The following LHX4 variants were observed in gnomAD, a reference collection of about 807,000 sequenced individuals.
LHX4 encodes LIM homeobox 4.
LHX4 carries 16 observed loss-of-function variants against 39.2 expected under a neutral mutation model. The ratio of observed to expected loss-of-function variants is 0.41; its 90% CI spans 0.28 to 0.62. LHX4 has a LOEUF of 0.62. LHX4 is among the 20% of genes least tolerant of loss of function. The pLI is 0.33. For synonymous variants in LHX4, 206 were observed against 198.1 expected (o/e 1.04, Z -0.33); for missense variants, 439 against 511.9 (o/e 0.86, Z 1.37).
At chr1:180,243,407 A>G (rs758040564) in intron 1 of LHX4, among the ~76,000 whole-genome samples, 2 of 152,072 alleles carry the variant, frequency 1.3e-5, no homozygotes, top group Non-Finnish European at 2.9e-5. Flanking sequence ...CCAGAACTTT[A>G]TTCCTGGTAG....
chr1:180,276,655 T>A lies in LHX4; in HGVS notation c.*2076T>A, dbSNP rs916337175. 1 of 152,178 alleles carries A rather than the reference T, an allele frequency of 6.6e-6. No individual in the cohort carries two copies. Among genetic ancestry groups the A allele is most frequent in the African/African-American group, 2.4e-5 (1 of 41,434 alleles). 9.4% of individuals were successfully genotyped at this position (152,178 alleles called of 1,614,324 possible). ...GAGGATGGCTTTTTAAATACACCCT[T>A]CTTAGCAGGCTGCTTAAAATACACA... On this transcript the variant is annotated 3_prime_UTR_variant, in exon 6 of 6. Transcript: ENST00000263726.
upstream of LHX4, among the ~76,000 whole-genome samples, chr1:180,230,033 G>T (rs905796628): frequency 7.6e-4 from 104 of 136,820 alleles, no homozygotes; most frequent in Non-Finnish European, 1.4e-3. The surrounding 1 kb of genome is among the most constrained non-coding windows in gnomAD (Gnocchi z 5.8). Flanking sequence ...CCGCCCCGCC[G>T]GCCTCACTCG....
In LHX4 at chr1:180,266,462, G is replaced by A; in HGVS notation, c.319G>A (p.Asp107Asn). The A allele has an allele frequency of 6.2e-7, 1 of 1,614,224 alleles. No individual in the cohort carries two copies. Residue 107 changes from aspartate (D) to asparagine (N), a missense_variant, in exon 3 of 6, where the codon GAC becomes AAC. By Grantham distance (23) the Asp-to-Asn change is conservative (BLOSUM62 1). Coordinates refer to ENST00000263726, the MANE Select transcript of LHX4 (RefSeq NM_033343.4). This position sits in a 1 kb window ranked among gnomAD's most constrained non-coding sequence, Gnocchi z 5.7. ...PPTQVVRKAQ[D>N]FVYHLHCFAC... is the part of the protein sequence containing the mutation. The stretch of plus-strand genomic sequence containing the variant: ...AACCCAGGTGGTCCGCAAGGCCCAG[G>A]ACTTTGTCTACCACCTGCACTGCTT...
upstream of LHX4, among the ~76,000 whole-genome samples, chr1:180,229,959 CGG>C (rs1553278089): frequency 2.6e-3 from 60 of 22,726 alleles, 4 homozygotes; most frequent in South Asian, 0.014. Flanking sequence ...GAGGCGGAGG[CGG>C]GGAGGGGGGG....
chr1:180,244,243 T>C (rs908408640), intron 1 of LHX4, among the ~76,000 whole-genome samples: 3 of 152,322 alleles, frequency 2.0e-5, no homozygotes, highest in Non-Finnish European at 1.5e-5. Flanking sequence ...CGTCAACATC[T>C]ACAGTGGAAT....
intron 2 of LHX4, among the ~76,000 whole-genome samples, chr1:180,254,451 C>G (rs1485347281): frequency 6.6e-6 from 1 of 152,248 alleles, no homozygotes; most frequent in East Asian, 1.9e-4. Context: ...AGGTAGGCAG[C>G]GTCCTTGGGA....
At position 180,278,494 on chromosome 1, in the gene LHX4, C is replaced by G. The variant is rs970476373; in HGVS notation, c.*3915C>G. On this transcript the variant is annotated 3_prime_UTR_variant, in exon 6 of 6. Coordinates refer to ENST00000263726, the MANE Select transcript of LHX4 (RefSeq NM_033343.4). ...ACCACACTAAAAGCACAGTTTCATG[C>G]TGCTAGCTCTGGTAAGGAGACAGCT... The G allele has an allele frequency of 6.6e-6, 1 of 152,106 alleles. No homozygotes were observed. Among genetic ancestry groups the G allele is most frequent in the Non-Finnish European group, 1.5e-5 (1 of 68,032 alleles). The allele number at this position is 152,106 out of a possible 1,614,324, so 9.4% of individuals were successfully genotyped here.
chr1:180,243,319 C>T (rs1014646421), intron 1 of LHX4, among the ~76,000 whole-genome samples: 2 of 152,070 alleles, frequency 1.3e-5, no homozygotes, highest in African/African-American at 4.8e-5. Flanking sequence ...GTTCTCCCCT[C>T]CTCTGCCCTG....
At chr1:180,267,069 A>C (rs1210131731) in intron 3 of LHX4, among the ~76,000 whole-genome samples, 4 of 152,258 alleles carry the variant, frequency 2.6e-5, no homozygotes, top group South Asian at 2.1e-4. Flanking sequence ...CACTTCATAC[A>C]TCTGTCTGTT....
Position 180,248,392 on chromosome 1 carries a change from A to G in LHX4, c.184A>G (p.Met62Val). Residue 62 changes from methionine (M) to valine (V), a missense_variant, in exon 2 of 6, where the codon ATG becomes GTG. Transcript: ENST00000263726. ...CTGCCTCAAGTGTGCAGACTGCCAG[A>G]TGCAGCTGGCGGACAGGTGCTTCTC... ...SSCLKCADCQ[M>V]QLADRCFSRA... The G allele has an allele frequency of 3.1e-6, 5 of 1,614,230 alleles. No individual in the cohort carries two copies. Among genetic ancestry groups the G allele is most frequent in the Admixed American group, 3.3e-5 (2 of 60,028 alleles).
At chr1:180,242,492 CTG>C (rs1664464466) in intron 1 of LHX4, among the ~76,000 whole-genome samples, 1 of 151,856 alleles carries the variant, frequency 6.6e-6, no homozygotes, top group African/African-American at 2.4e-5. Flanking sequence ...GTATATATAT[CTG>C]TGTGTATATA....
chr1:180,271,887 G>C lies in LHX4; in HGVS notation c.659G>C (p.Gly220Ala), dbSNP rs35014126. 134 of 1,613,566 alleles carry C rather than the reference G, an allele frequency of 8.3e-5. No homozygotes were observed. Among genetic ancestry groups the C allele is most frequent in the Non-Finnish European group, 1.0e-4 (119 of 1,179,976 alleles). The stretch of plus-strand genomic sequence containing the variant: ...GAGAAACGCCTGAAGAAGGATGCAG[G>C]GCGGCACCGCTGGGGGCAGTTCTAT... ...AKEKRLKKDA[G>A]RHRWGQFYKS... The change falls in exon 5 of 6, where the codon GGG (glycine) becomes GCG (alanine). Residue 220 changes from glycine (G) to alanine (A), a missense_variant. Physicochemically the swap from Gly to Ala is moderately conservative, Grantham distance 60. Coordinates refer to ENST00000263726, the MANE Select transcript of LHX4 (RefSeq NM_033343.4).
intron 2 of LHX4, among the ~76,000 whole-genome samples, chr1:180,249,381 C>T (rs1414629471): frequency 6.6e-6 from 1 of 152,184 alleles, no homozygotes; most frequent in Non-Finnish European, 1.5e-5. Context: ...GAATCTATTA[C>T]CCAAGGCAGT....
rs1649205860 is a variant in LHX4, at chr1:180,278,861, C to G, written c.*4282C>G. 6.6e-6 allele frequency: 1 copy of G among 152,102 alleles called. No individual in the cohort carries two copies. Among genetic ancestry groups the G allele is most frequent in the Non-Finnish European group, 1.5e-5 (1 of 68,022 alleles). The allele number at this position is 152,102 out of a possible 1,614,324, so 9.4% of individuals were successfully genotyped here. A position where few individuals can be genotyped will look rare whatever the true frequency, so the allele number is the denominator to read the frequency against. ...AAGAAAAAAAAAAGACCCACCCATC[C>G]TTATTTATTGCCATATGACTTTGGA... On this transcript the variant is annotated 3_prime_UTR_variant, in exon 6 of 6. Transcript: ENST00000263726.
At chr1:180,274,115 A>G (rs947852321) in intron 5 of LHX4, 70 bp from the exon 6 acceptor site, 1 of 1,582,484 alleles carries the variant, frequency 6.3e-7, no homozygotes. Context: ...GTGTGTTCCT[A>G]GGTTGTGAAG....
intron 3 of LHX4, among the ~76,000 whole-genome samples, chr1:180,267,662 CAG>C (rs1422236987): frequency 1.3e-5 from 2 of 152,316 alleles, no homozygotes; most frequent in Middle Eastern, 3.4e-3. Flanking sequence ...TTGATCAACT[CAG>C]GGTGTTACTG....
At chr1:180,269,345 T>A (rs182026425) in intron 3 of LHX4, among the ~76,000 whole-genome samples, 1 of 152,228 alleles carries the variant, frequency 6.6e-6, no homozygotes, top group Admixed American at 6.5e-5. Flanking sequence ...ACCAAAGTTA[T>A]TGATTTTTGG....
chr1:180,230,294 A>G lies in LHX4; in HGVS notation c.-236A>G, dbSNP rs1268514502. On this transcript the variant is annotated 5_prime_UTR_variant, in exon 1 of 6. The change abolishes an upstream ATG in the 5' untranslated region. Transcript: ENST00000263726. The surrounding 1 kb of genome is among the most constrained non-coding windows in gnomAD (Gnocchi z 5.8). ...TGCAGCAACAGCGTCTCAACCTGGG[A>G]TGTGCACCAACCCCGGAGAGCGAGA... 1 of 585,646 alleles carries G rather than the reference A, an allele frequency of 1.7e-6. No homozygotes were observed. Among genetic ancestry groups the G allele is most frequent in the East Asian group, 2.9e-5 (1 of 34,082 alleles). 36.3% of individuals were successfully genotyped at this position (585,646 alleles called of 1,614,324 possible).
chr1:180,268,123 G>A (rs890927959), intron 3 of LHX4, among the ~76,000 whole-genome samples: 4 of 152,210 alleles, frequency 2.6e-5, no homozygotes, highest in Admixed American at 1.3e-4. Flanking sequence ...CCATGCTATT[G>A]CCTTGAAGTC....
Sources: allele counts gnomAD v4.1 joint callset (sites outside exome capture counted in the v4.1 genomes callset), GRCh38; gene constraint gnomAD v4.1.1; non-coding constraint Gnocchi (gnomAD v3.1); transcripts MANE v1.5; gene names NCBI Gene and HGNC (gene_info 2026-07-23, HGNC 2026-07-21).